C4orf51: variants seen among roughly 807,000 people sequenced by gnomAD.
C4orf51 encodes uncharacterized protein C4orf51.
A neutral mutation model predicts 25.2 loss-of-function variants in C4orf51; 25 were observed. That is an observed-to-expected ratio of 0.99 (90% confidence interval 0.72 to 1.39). C4orf51 has a LOEUF of 1.39. C4orf51 is among the 40% of genes most tolerant of loss of function. C4orf51 has a pLI of 0.00. For synonymous variants in C4orf51, 100 were observed against 84.5 expected, an observed-to-expected ratio of 1.18 and a Z score of -1.01; for missense variants, 252 against 239.6, an observed-to-expected ratio of 1.05 and a Z score of -0.34.
intron 1 of C4orf51, among the ~76,000 whole-genome samples, chr4:145,739,730 C>G (rs191387329): frequency 5.9e-5 from 9 of 152,314 alleles, no homozygotes; most frequent in African/African-American, 2.2e-4. Flanking sequence ...AATATCCACA[C>G]TAAAGTGTTT....
downstream of C4orf51, chr4:145,775,695 G>A: frequency 6.9e-7 from 1 of 1,452,812 alleles, no homozygotes; most frequent in South Asian, 1.3e-5. Flanking sequence ...CTGAGAAAAG[G>A]GGCCTCGTGA....
Position 145,765,797 on chromosome 4 carries a change from C to A in C4orf51, n.167-5191C>A. The A allele has an allele frequency of 6.5e-7, 1 of 1,536,634 alleles. No individual in the cohort carries two copies. Among genetic ancestry groups the A allele is most frequent in the Non-Finnish European group, 8.9e-7 (1 of 1,129,198 alleles). The stretch of plus-strand genomic sequence containing the variant: ...GAGATGAAAATCCTCAGAATTATAG[C>A]AACTGAGGGTGACGAGTTGAGTCTC... On this transcript the variant is annotated intron_variant and non_coding_transcript_variant, in intron 1 of 1. Coordinates refer to the C4orf51 transcript ENST00000510096. The surrounding 1 kb of genome is among the most constrained non-coding windows in gnomAD (Gnocchi z 4.7).
chr4:145,726,512 C>CT (rs1368120926), intron 2 of C4orf51, among the ~76,000 whole-genome samples: 1 of 152,288 alleles, frequency 6.6e-6, no homozygotes, highest in South Asian at 2.1e-4. Context: ...GGCAATCCTC[C>CT]TGCCTTAGCC....
chr4:145,725,231 A>G (rs1731991183), intron 2 of C4orf51, among the ~76,000 whole-genome samples: 1 of 152,176 alleles, frequency 6.6e-6, no homozygotes, highest in Admixed American at 6.5e-5. Context: ...GAAAAAAACC[A>G]TAATGAGTTA....
chr4:145,690,497 C>T (rs576121206), intron 1 of C4orf51, among the ~76,000 whole-genome samples: 1 of 151,622 alleles, frequency 6.6e-6, no homozygotes, highest in Non-Finnish European at 1.5e-5. Flanking sequence ...GAGTGAGACT[C>T]CATCTCAAAA....
At chr4:145,774,614 G>C, downstream of C4orf51, 4 of 1,613,904 alleles carry the variant, frequency 2.5e-6, no homozygotes, top group Non-Finnish European at 3.4e-6. Flanking sequence ...TCCACGTGGA[G>C]TGACATGTGG....
chr4:145,726,587 G>T (rs1188667557), intron 2 of C4orf51, among the ~76,000 whole-genome samples: 2 of 152,032 alleles, frequency 1.3e-5, no homozygotes, highest in Non-Finnish European at 2.9e-5. Flanking sequence ...ATTATTATTT[G>T]TAGAGACGGG....
chr4:145,774,534 T>C (rs1319336286), downstream of C4orf51: 2 of 1,611,976 alleles, frequency 1.2e-6, no homozygotes, highest in Non-Finnish European at 1.7e-6. Context: ...TGTGAGTCTT[T>C]ATCTCTGCTT....
At position 145,730,084 on chromosome 4, in the gene C4orf51, A is replaced by G. The variant is rs1324500278; in HGVS notation, c.501+119A>G. On this transcript the variant is annotated intron_variant, in intron 5 of 5. Coordinates refer to ENST00000438731, the MANE Select transcript of C4orf51 (RefSeq NM_001080531.3). ...GCCTGTGTATGTTTAGAGTTGGTAT[A>G]AAAGTATTCCCTAAGTTACAATCAG... The G allele has an allele frequency of 1.1e-5, 9 of 788,852 alleles. No homozygotes were observed. In the Middle Eastern group the frequency reaches 8.7e-4, roughly 76 times the overall value. 48.9% of individuals were successfully genotyped at this position (788,852 alleles called of 1,614,324 possible).
chr4:145,754,508 G>A (rs1733836192), downstream of C4orf51, among the ~76,000 whole-genome samples: 1 of 152,126 alleles, frequency 6.6e-6, no homozygotes, highest in Non-Finnish European at 1.5e-5. Flanking sequence ...AGTGGGCAGG[G>A]CAAAGCCTCT....
chr4:145,784,528 C>T, the C4orf51 span, among the ~76,000 whole-genome samples: 4 of 152,192 alleles, frequency 2.6e-5, no homozygotes, highest in African/African-American at 9.7e-5. Flanking sequence ...GTACACCCAG[C>T]TGAACACATT....
chr4:145,727,895 GTATA>G (rs35521926), intron 3 of C4orf51, among the ~76,000 whole-genome samples: 2,492 of 101,578 alleles, frequency 0.025, 110 homozygotes, highest in African/African-American at 0.089. Flanking sequence ...AAAAAAATGT[GTATA>G]TATATATATA....
At chr4:145,729,296 G>GTTTTTT (rs1560852505) in intron 4 of C4orf51, 67 bp downstream of exon 4, 41 of 331,118 alleles carry the variant, frequency 1.2e-4, no homozygotes, top group East Asian at 1.9e-4. Context: ...GTGGTCATGT[G>GTTTTTT]ATTTTTTTTT....
At chr4:145,738,415 A>G (rs928617274) in intron 1 of C4orf51, among the ~76,000 whole-genome samples, 5 of 151,044 alleles carry the variant, frequency 3.3e-5, no homozygotes, top group East Asian at 2.0e-4. Context: ...GCACCACTGC[A>G]CTCCAGCCTG....
downstream of C4orf51, chr4:145,758,009 G>C (rs1734082342): frequency 6.6e-6 from 1 of 152,118 alleles, no homozygotes; most frequent in Non-Finnish European, 1.5e-5. Flanking sequence ...GATATCTATG[G>C]AATACATCCT....
the C4orf51 span, among the ~76,000 whole-genome samples, chr4:145,777,528 G>A: frequency 6.6e-6 from 1 of 152,202 alleles, no homozygotes; most frequent in East Asian, 1.9e-4. Flanking sequence ...TAGTCATTCT[G>A]TTTAAATGAT....
chr4:145,694,046 C>T (rs1420968060), intron 1 of C4orf51, among the ~76,000 whole-genome samples: 121 of 128,038 alleles, frequency 9.5e-4, no homozygotes, highest in South Asian at 1.7e-3. Flanking sequence ...CGGGCAGAGA[C>T]GCTCCTCACC....
rs1178149114 is a variant in C4orf51, at chr4:145,761,598, C to T, written n.167-9390C>T. 3.2e-6 allele frequency: 4 copies of T among 1,254,444 alleles called. No individual in the cohort carries two copies. Among genetic ancestry groups the T allele is most frequent in the Non-Finnish European group, 4.1e-6 (4 of 966,602 alleles). The allele number at this position is 1,254,444 out of a possible 1,614,324, so 77.7% of individuals were successfully genotyped here. A position where few individuals can be genotyped will look rare whatever the true frequency, so the allele number is the denominator to read the frequency against. On this transcript the variant is annotated intron_variant and non_coding_transcript_variant, in intron 1 of 1. Coordinates refer to the C4orf51 transcript ENST00000510096. The surrounding 1 kb of genome is among the most constrained non-coding windows in gnomAD (Gnocchi z 6.8). ...TGGTGGAATAAATGCAGAATGGGCA[C>T]CTGCCGGGGAAAGCAACGCAAGGGA... is the stretch of plus-strand genomic sequence containing the variant.
downstream of C4orf51, among the ~76,000 whole-genome samples, chr4:145,734,856 C>G (rs1331435134): frequency 6.6e-6 from 1 of 152,174 alleles, no homozygotes; most frequent in Non-Finnish European, 1.5e-5. Context: ...ACTCATTTCA[C>G]AAAACCAGAG....
Sources: gnomAD v4.1 joint callset for allele counts (sites outside exome capture counted in the v4.1 genomes callset) on GRCh38, gnomAD v4.1.1 for gene constraint, Gnocchi (gnomAD v3.1) non-coding constraint, MANE v1.5 for transcripts, NCBI Gene and HGNC (gene_info 2026-07-23, HGNC 2026-07-21) for gene names.